FHIT: variants seen among roughly 807,000 people sequenced by gnomAD.
FHIT encodes the protein fragile histidine triad diadenosine triphosphatase.
A neutral mutation model predicts 17.9 loss-of-function variants in FHIT; 19 were observed. The observed-to-expected ratio is 1.06, with a 90% CI of 0.74 to 1.56. The LOEUF (loss-of-function observed/expected upper bound fraction) is 1.56, where lower values mean the gene tolerates loss of function less well. Among genes scored for constraint, FHIT ranks in the 40% most tolerant of loss-of-function variants. The pLI is 0.00. For missense variants in FHIT, 248 were observed against 189.2 expected (o/e 1.31, Z -1.82); for synonymous variants, 81 against 69.7 (o/e 1.16, Z -0.81).
At chr3:59,949,619 C>T (rs544860927) in intron 7 of FHIT, among the ~76,000 whole-genome samples, 26 of 152,318 alleles carry the variant, frequency 1.7e-4, no homozygotes, top group Admixed American at 3.3e-4. Context: ...TGATTAATTT[C>T]TTCTCAGCTA....
intron 5 of FHIT, among the ~76,000 whole-genome samples, chr3:60,222,823 C>A (rs766352325): frequency 1.1e-4 from 16 of 152,122 alleles, no homozygotes; most frequent in Non-Finnish European, 1.8e-4. Flanking sequence ...ACTGCTTGAA[C>A]TCGGGAGGCA....
chr3:60,360,327 G>T (rs1042542913), intron 5 of FHIT, among the ~76,000 whole-genome samples: 1 of 151,934 alleles, frequency 6.6e-6, no homozygotes, highest in East Asian at 1.9e-4. Context: ...AAAGACAAAG[G>T]CAACTTAAGG....
At chr3:60,310,460 C>A (rs1273924831) in intron 5 of FHIT, among the ~76,000 whole-genome samples, 4 of 152,086 alleles carry the variant, frequency 2.6e-5, no homozygotes, top group Admixed American at 1.3e-4. Flanking sequence ...AGGAGACAGA[C>A]AATCAATGAT....
chr3:60,684,322 G>A (rs2040814154), intron 4 of FHIT, among the ~76,000 whole-genome samples: 1 of 152,048 alleles, frequency 6.6e-6, no homozygotes, highest in Non-Finnish European at 1.5e-5. Context: ...ATATCTGCAA[G>A]GACCATTTTT....
At chr3:61,210,115 T>C (rs1216814143) in intron 1 of FHIT, among the ~76,000 whole-genome samples, 2 of 152,234 alleles carry the variant, frequency 1.3e-5, no homozygotes, top group African/African-American at 4.8e-5. Context: ...CAGCCGTGGC[T>C]GCAGAACAGC....
At chr3:61,248,268 G>A (rs2040532683) in intron 1 of FHIT, among the ~76,000 whole-genome samples, 1 of 152,186 alleles carries the variant, frequency 6.6e-6, no homozygotes, top group African/African-American at 2.4e-5. Context: ...CAGGCACTGT[G>A]GTGGAAGCTG....
intron 5 of FHIT, among the ~76,000 whole-genome samples, chr3:60,286,339 C>G (rs1262952879): frequency 1.3e-5 from 2 of 152,160 alleles, no homozygotes; most frequent in Non-Finnish European, 2.9e-5. Context: ...GCCCTATGTA[C>G]ATAATATGAG....
In FHIT at chr3:60,662,017, A is replaced by G. The variant is rs560725183; in HGVS notation, c.-17-125038T>C. 1.4e-4 allele frequency among the ~76,000 whole-genome samples: 21 copies of G among 152,014 alleles called. No homozygotes were observed. In the East Asian group the frequency reaches 3.9e-3, roughly 28 times the overall value. ...CACTCTGTGGGTTGTCTGTTTACTG[A>G]CTGTTTCTTTTGCTGTGCAGAAGCT... On this transcript the variant is annotated intron_variant, in intron 4 of 9. Transcript: ENST00000492590.
chr3:60,822,201 C>A (rs917276441), intron 3 of FHIT, among the ~76,000 whole-genome samples, 190 bp from the exon 4 acceptor site: 3 of 152,128 alleles, frequency 2.0e-5, no homozygotes, highest in African/African-American at 7.2e-5. Context: ...GAGACTGTGG[C>A]TCAAAAGGGT....
intron 4 of FHIT, among the ~76,000 whole-genome samples, chr3:60,635,040 A>G (rs537429396): frequency 6.6e-6 from 1 of 152,268 alleles, no homozygotes; most frequent in East Asian, 1.9e-4. Flanking sequence ...CCAGCCTATA[A>G]AAGATTTCAA....
chr3:60,652,945 AAAC>A (rs1559615837), intron 4 of FHIT, among the ~76,000 whole-genome samples: 1 of 150,660 alleles, frequency 6.6e-6, no homozygotes, highest in African/African-American at 2.4e-5. Flanking sequence ...AAACAAAACA[AAAC>A]AAAACAAAAC....
intron 4 of FHIT, among the ~76,000 whole-genome samples, chr3:60,571,652 G>A (rs2037389503): frequency 6.6e-6 from 1 of 151,988 alleles, no homozygotes; most frequent in Non-Finnish European, 1.5e-5. Context: ...ATAAAGGCAG[G>A]CTTTAGAGGG....
chr3:60,252,726 C>T (rs1335756595), intron 5 of FHIT, among the ~76,000 whole-genome samples: 1 of 151,970 alleles, frequency 6.6e-6, no homozygotes, highest in Non-Finnish European at 1.5e-5. Flanking sequence ...CGCGGTGGCT[C>T]ATGCCTGTAA....
chr3:60,328,912 C>T (rs1426800606), intron 5 of FHIT, among the ~76,000 whole-genome samples: 1 of 152,132 alleles, frequency 6.6e-6, no homozygotes, highest in Non-Finnish European at 1.5e-5. Flanking sequence ...TATAAGGTAA[C>T]ACACTGATGG....
intron 5 of FHIT, among the ~76,000 whole-genome samples, chr3:60,441,794 A>ATGTGTCTGTG (rs369962868): frequency 2.1e-5 from 1 of 47,044 alleles, no homozygotes; most frequent in Non-Finnish European, 5.3e-5. Flanking sequence ...ATATATATAT[A>ATGTGTCTGTG]TATATATATA....
intron 8 of FHIT, among the ~76,000 whole-genome samples, chr3:59,816,579 A>G (rs1440284630): frequency 6.6e-6 from 1 of 152,136 alleles, no homozygotes; most frequent in East Asian, 1.9e-4. Flanking sequence ...TTGTTTGCAG[A>G]CAGTGATAGG....
intron 2 of FHIT, among the ~76,000 whole-genome samples, chr3:61,122,464 A>C (rs1032805980): frequency 6.6e-6 from 1 of 152,208 alleles, no homozygotes; most frequent in African/African-American, 2.4e-5. Context: ...TCATGACTAA[A>C]ACACTAAAAG....
chr3:60,234,557 T>A (rs964522320), intron 5 of FHIT, among the ~76,000 whole-genome samples: 5 of 152,228 alleles, frequency 3.3e-5, no homozygotes, highest in Non-Finnish European at 7.3e-5. Context: ...TTTTGCTAAA[T>A]GTATTGTTGC....
At chr3:60,723,949 C>A (rs782039703) in intron 4 of FHIT, among the ~76,000 whole-genome samples, 111 of 152,198 alleles carry the variant, frequency 7.3e-4, no homozygotes, top group Non-Finnish European at 1.3e-3. Flanking sequence ...AGAAAACAAG[C>A]CCTGTGGCAT....
Sources: gnomAD v4.1 joint callset for allele counts (sites outside exome capture counted in the v4.1 genomes callset) on GRCh38, gnomAD v4.1.1 for gene constraint, MANE v1.5 for transcripts, NCBI Gene and HGNC (gene_info 2026-07-23, HGNC 2026-07-21) for gene names.